Variants in SULT1C3 observed in about 807,000 individuals in gnomAD.
The protein encoded by SULT1C3 is sulfotransferase family 1C member 3, also known as sulfotransferase 1C3.
A neutral mutation model predicts 28.4 loss-of-function variants in SULT1C3; 31 were observed. The observed-to-expected ratio is 1.09, with a 90% confidence interval of 0.82 to 1.47. SULT1C3 has a LOEUF of 1.47. SULT1C3 is among the 40% of genes most tolerant of loss of function. The pLI is 0.00. For synonymous variants in SULT1C3, 106 were observed against 92.2 expected, an observed-to-expected ratio of 1.15 and a Z score of -0.86; for missense variants, 307 against 272.5, an observed-to-expected ratio of 1.13 and a Z score of -0.89.
At chr2:108,260,065 G>A (rs1366404501) in intron 7 of SULT1C3, among the ~76,000 whole-genome samples, 1 of 152,158 alleles carries the variant, frequency 6.6e-6, no homozygotes, top group Non-Finnish European at 1.5e-5. Context: ...TACAGCATTT[G>A]TTGGGCTGAC....
chr2:108,264,782 A>C, downstream of SULT1C3: 1 of 1,552,116 alleles, frequency 6.4e-7, no homozygotes, highest in Non-Finnish European at 8.7e-7. Context: ...TCCCCAAGGG[A>C]AGACCCAACA....
Position 108,252,440 on chromosome 2 carries a change from C to T in SULT1C3, c.248C>T (p.Thr83Ile). 6.2e-7 allele frequency: 1 copy of T among 1,612,442 alleles called. No individual in the cohort carries two copies. Among genetic ancestry groups the T allele is most frequent in the Non-Finnish European group, 8.5e-7 (1 of 1,179,078 alleles). ...GDVEKCKRAQ[T>I]LDRHAFLELK... ...GTGGAGAAATGCAAAAGAGCCCAGA[C>T]TCTAGATAGACACGCTTTCCTTGAA... Residue 83 changes from threonine (T) to isoleucine (I), a missense_variant, in exon 3 of 8, where the codon ACT becomes ATT. Physicochemically the swap from Thr to Ile is moderately conservative, Grantham distance 89. Coordinates refer to ENST00000681802, the MANE Select transcript of SULT1C3 (RefSeq NM_001320878.2).
At chr2:108,259,794 G>A (rs928488781) in intron 7 of SULT1C3, among the ~76,000 whole-genome samples, 1 of 151,966 alleles carries the variant, frequency 6.6e-6, no homozygotes, top group African/African-American at 2.4e-5. Context: ...CTAGATACAT[G>A]CAAAAATAGC....
intron 5 of SULT1C3, among the ~76,000 whole-genome samples, chr2:108,258,229 A>C (rs745407306): frequency 6.6e-6 from 1 of 152,074 alleles, no homozygotes; most frequent in Non-Finnish European, 1.5e-5. Flanking sequence ...GTGTCCACTC[A>C]TTCTCTTACC....
intron 4 of SULT1C3, among the ~76,000 whole-genome samples, 158 bp from the exon 5 acceptor site, chr2:108,255,414 A>G (rs1413087008): frequency 6.6e-6 from 1 of 152,084 alleles, no homozygotes; most frequent in Admixed American, 6.6e-5. Context: ...TTGCAGAGTC[A>G]AAAAGACTCC....
intron 1 of SULT1C3, among the ~76,000 whole-genome samples, chr2:108,240,828 T>G (rs1042257612): frequency 2.0e-5 from 3 of 152,206 alleles, no homozygotes; most frequent in African/African-American, 7.2e-5. Context: ...AAAAACAAAT[T>G]ATGATAAGAC....
Position 108,252,381 on chromosome 2 carries a change from T to C in SULT1C3, c.189T>C (p.His63=). Reference sequence around the variant, plus strand: ...TATTTTCAGGTACAACATGGATGCATGAAATTTTAGACATGATTCTAAATG... The same window carrying C: ...TATTTTCAGGTACAACATGGATGCACGAAATTTTAGACATGATTCTAAATG... ...TYPKSGTTWM[H]EILDMILNDG... is the part of the protein sequence containing the mutation. Residue 63 remains histidine, a synonymous_variant, in exon 3 of 8, where the codon CAT becomes CAC. Transcript: ENST00000681802. 6.2e-7 allele frequency: 1 copy of C among 1,609,890 alleles called. No individual in the cohort carries two copies. The highest frequency in any genetic ancestry group is 8.5e-7 in the Non-Finnish European group (1 of 1,177,778).
chr2:108,257,548 C>A (rs1233112478), intron 5 of SULT1C3, among the ~76,000 whole-genome samples: 1 of 151,952 alleles, frequency 6.6e-6, no homozygotes, highest in African/African-American at 2.4e-5. Flanking sequence ...TAGTCACCCA[C>A]AATCAACCCC....
At chr2:108,245,803 C>T (rs1675564563) in intron 1 of SULT1C3, among the ~76,000 whole-genome samples, 1 of 152,192 alleles carries the variant, frequency 6.6e-6, no homozygotes, top group South Asian at 2.1e-4. Context: ...CAAATTTCTG[C>T]AGCTGGCTTG....
At chr2:108,252,028 T>C (rs190395999) in intron 2 of SULT1C3, among the ~76,000 whole-genome samples, 46 of 151,878 alleles carry the variant, frequency 3.0e-4, no homozygotes, top group Admixed American at 5.3e-4. Flanking sequence ...AGTTGAGAGA[T>C]TAAATACTAA....
intron 1 of SULT1C3, among the ~76,000 whole-genome samples, chr2:108,245,540 A>G (rs1292564190): frequency 6.6e-6 from 1 of 152,166 alleles, no homozygotes; most frequent in Admixed American, 6.6e-5. Context: ...TTGAATGGCC[A>G]TTTTCTGGCC....
chr2:108,240,169 T>C (rs1208087686), intron 1 of SULT1C3, among the ~76,000 whole-genome samples, 86 bp downstream of exon 1: 1 of 152,238 alleles, frequency 6.6e-6, no homozygotes. Context: ...CAACCCTTGT[T>C]AATCATATAA....
downstream of SULT1C3, among the ~76,000 whole-genome samples, chr2:108,263,425 C>T (rs1473037993): frequency 2.6e-5 from 4 of 152,130 alleles, no homozygotes; most frequent in East Asian, 7.7e-4. Flanking sequence ...ACCTGCCTGC[C>T]ACAATCCCCA....
intron 1 of SULT1C3, among the ~76,000 whole-genome samples, chr2:108,241,833 A>G (rs1191123660): frequency 6.6e-6 from 1 of 151,432 alleles, no homozygotes; most frequent in Admixed American, 6.6e-5. Flanking sequence ...AGGCTGAGGC[A>G]GGAGAATGGC....
intron 6 of SULT1C3, 22 bp from the exon 7 acceptor site, chr2:108,258,944 T>C: frequency 2.6e-6 from 2 of 765,272 alleles, no homozygotes; most frequent in South Asian, 3.3e-5. Flanking sequence ...CTCTTCACAA[T>C]GCCTTTTTCT....
Position 108,253,423 on chromosome 2 carries a change from T to C in SULT1C3, c.380T>C (p.Ile127Thr), listed in dbSNP as rs775651945. The C allele has an allele frequency of 1.5e-5, 23 of 1,553,312 alleles. No individual in the cohort carries two copies. Among genetic ancestry groups the C allele is most frequent in the African/African-American group, 9.6e-5 (7 of 73,076 alleles). ...CCTTCACATCTGATTCCACCATCTATCTGGAAAGAAAACTGCAAGGTATAA... is the reference window on the plus strand; with the variant it reads ...CCTTCACATCTGATTCCACCATCTACCTGGAAAGAAAACTGCAAGGTATAA... ...HLPSHLIPPS[I>T]WKENCKIVYV... Residue 127 changes from isoleucine (I) to threonine (T), a missense_variant, in exon 4 of 8, where the codon ATC becomes ACC. Transcript: ENST00000681802.
intron 1 of SULT1C3, among the ~76,000 whole-genome samples, chr2:108,242,193 G>T (rs916444241): frequency 6.6e-6 from 1 of 152,142 alleles, no homozygotes; most frequent in Admixed American, 6.5e-5. Context: ...ATTCTTAAGA[G>T]TATTTTTAAT....
In SULT1C3 at chr2:108,260,576, G is replaced by A. The variant is rs1675999466; in HGVS notation, c.811G>A (p.Gly271Arg). 3.9e-6 allele frequency: 2 copies of A among 514,566 alleles called. No individual in the cohort carries two copies. Among genetic ancestry groups the A allele is most frequent in the Non-Finnish European group, 7.8e-6 (2 of 258,014 alleles). The allele number at this position is 514,566 out of a possible 1,614,324, so 31.9% of individuals were successfully genotyped here. Residue 271 changes from glycine to arginine, a missense_variant, in exon 8 of 8, where the codon GGA becomes AGA. Transcript: ENST00000681802. ...TCTTTGATGTCCTACAGGGATGCCT[G>A]GAGACTGGAAGAACCACTTTACTGT... is the stretch of plus-strand genomic sequence containing the variant. ...ISKFMRKGMP[G>R]DWKNHFTVAL...
intron 2 of SULT1C3, among the ~76,000 whole-genome samples, chr2:108,249,781 G>T (rs948075298): frequency 6.6e-6 from 1 of 151,214 alleles, no homozygotes; most frequent in Non-Finnish European, 1.5e-5. Flanking sequence ...AAATATTTTT[G>T]ATAGAGTAAA....
Sources: allele counts gnomAD v4.1 joint callset (sites outside exome capture counted in the v4.1 genomes callset), GRCh38; gene constraint gnomAD v4.1.1; transcripts MANE v1.5; gene names NCBI Gene and HGNC (gene_info 2026-07-23, HGNC 2026-07-21).